Variants in WIPI1 observed in about 807,000 individuals in gnomAD.
WIPI1 encodes the protein WD repeat domain phosphoinositide-interacting protein 1.
In WIPI1, 45 loss-of-function variants were observed where a neutral mutation model predicts 55.3. The ratio of observed to expected loss-of-function variants is 0.81; its 90% confidence interval spans 0.64 to 1.04. WIPI1 has a LOEUF of 1.04. Ranked by LOEUF, WIPI1 falls within the 50% of genes least tolerant of loss-of-function variation. The probability of loss-of-function intolerance (pLI) is 0.00; values close to 1 mark genes in which losing one functional copy is unlikely to be tolerated. For missense variants in WIPI1, 445 were observed against 559.0 expected, an observed-to-expected ratio of 0.80 and a Z score of 2.06; for synonymous variants, 195 against 217.6, an observed-to-expected ratio of 0.90 and a Z score of 0.92.
intron 7 of WIPI1, among the ~76,000 whole-genome samples, chr17:68,434,345 C>A (rs570529715): frequency 6.6e-6 from 1 of 152,194 alleles, no homozygotes; most frequent in Non-Finnish European, 1.5e-5. Flanking sequence ...GGGACTCTCA[C>A]GGCTGAACTG....
At chr17:68,453,840 C>T (rs1374674668) in intron 1 of WIPI1, among the ~76,000 whole-genome samples, 1 of 152,164 alleles carries the variant, frequency 6.6e-6, no homozygotes, top group Non-Finnish European at 1.5e-5. Flanking sequence ...TGCTTCCTTT[C>T]ATCAGTTTCC....
At position 68,429,975 on chromosome 17, in the gene WIPI1, AG is replaced by A; in HGVS notation, c.965+20del. 1 of 1,613,814 alleles carries A rather than the reference AG, an allele frequency of 6.2e-7. No homozygotes were observed. The highest frequency in any genetic ancestry group is 8.5e-7 in the Non-Finnish European group (1 of 1,179,888). ...TTGACGAAAGTGTGGTCTTGTTCAG[AG>A]TGGGTGTCATTGTACGTACGTTGAG... is the stretch of plus-strand genomic sequence containing the variant. On this transcript the variant is annotated intron_variant, in intron 9 of 12. Coordinates refer to ENST00000262139, the MANE Select transcript of WIPI1 (RefSeq NM_017983.7).
chr17:68,426,325 T>C, intron 11 of WIPI1, 150 bp from the exon 12 acceptor site: 1 of 654,892 alleles, frequency 1.5e-6, no homozygotes. Flanking sequence ...CTAGGACAAG[T>C]CATAATCCTC....
chr17:68,428,927 C>T lies in WIPI1; in HGVS notation c.975G>A (p.Lys325=). 6.2e-7 allele frequency: 1 copy of T among 1,613,676 alleles called. No homozygotes were observed. The highest frequency in any genetic ancestry group is 8.5e-7 in the Non-Finnish European group (1 of 1,179,762). Residue 325 remains lysine (K), a synonymous_variant, in exon 10 of 13, where the codon AAG becomes AAA. Transcript: ENST00000262139. Reference sequence around the variant, plus strand: ...ATGACGCAACTAGCAGCCGTGGCAACTTCTGGATCCTAAGGGCCAAGGAAA... The same window carrying T: ...ATGACGCAACTAGCAGCCGTGGCAATTTCTGGATCCTAAGGGCCAAGGAAA... The part of the protein sequence containing the change: ...RNICTLSTIQ[K]LPRLLVASSS...
chr17:68,445,210 G>A (rs990171340), intron 3 of WIPI1, among the ~76,000 whole-genome samples: 4 of 152,156 alleles, frequency 2.6e-5, no homozygotes, highest in South Asian at 2.1e-4. Flanking sequence ...CTGAGCCACC[G>A]CGTTCAACAG....
chr17:68,433,277 G>A (rs1316625133), intron 8 of WIPI1, among the ~76,000 whole-genome samples, 191 bp downstream of exon 8: 2 of 152,220 alleles, frequency 1.3e-5, no homozygotes, highest in African/African-American at 4.8e-5. Context: ...CACGTGGGTG[G>A]CTCCCAGTTT....
chr17:68,457,315 C>CCTGG, intron 1 of WIPI1, 27 bp downstream of exon 1: 1 of 1,540,202 alleles, frequency 6.5e-7, no homozygotes, highest in South Asian at 1.2e-5. Flanking sequence ...CCCCCACCTC[C>CCTGG]CTGGCAGGGG....
chr17:68,449,735 T>C (rs549045759), intron 3 of WIPI1, among the ~76,000 whole-genome samples: 1 of 152,314 alleles, frequency 6.6e-6, no homozygotes, highest in African/African-American at 2.4e-5. Flanking sequence ...GTGCTTCCTG[T>C]ACAGCCTGCA....
Position 68,457,448 on chromosome 17 carries a change from C to A in WIPI1, c.-27G>T. On this transcript the variant is annotated 5_prime_UTR_variant, in exon 1 of 13. Coordinates refer to ENST00000262139, the MANE Select transcript of WIPI1 (RefSeq NM_017983.7). ...GGGGGCTCGGCCCGGGAAGCCGCAG[C>A]TCGGAGCCGGCGACAGCCACCTCAG... 1 of 1,475,954 alleles carries A rather than the reference C, an allele frequency of 6.8e-7. No homozygotes were observed. The highest frequency in any genetic ancestry group is 2.5e-5 in the Admixed American group (1 of 40,334). The allele number at this position is 1,475,954 out of a possible 1,614,324, so 91.4% of individuals were successfully genotyped here. A position where few individuals can be genotyped will look rare whatever the true frequency, so the allele number is the denominator to read the frequency against.
chr17:68,426,247 A>AGGGGGGGGG, intron 11 of WIPI1, 72 bp from the exon 12 acceptor site: 4 of 655,812 alleles, frequency 6.1e-6, no homozygotes, highest in Admixed American at 7.8e-5. Flanking sequence ...GCGGGTGGGG[A>AGGGGGGGGG]GCGGGGGCTC....
At chr17:68,434,705 T>C (rs1392114546) in intron 6 of WIPI1, 79 bp from the exon 7 acceptor site, 2 of 1,476,908 alleles carry the variant, frequency 1.4e-6, no homozygotes, top group African/African-American at 1.4e-5. Context: ...GGAGTTTGTT[T>C]TATTGGTTTT....
At chr17:68,432,222 G>C (rs1389545930) in intron 8 of WIPI1, among the ~76,000 whole-genome samples, 1 of 152,132 alleles carries the variant, frequency 6.6e-6, no homozygotes, top group African/African-American at 2.4e-5. Context: ...GGGGTGGGGG[G>C]AGACAAGGAT....
chr17:68,428,811 G>A lies in WIPI1; in HGVS notation c.1073+18C>T, dbSNP rs115314737. On this transcript the variant is annotated intron_variant, in intron 10 of 12. Coordinates refer to ENST00000262139, the MANE Select transcript of WIPI1 (RefSeq NM_017983.7). The stretch of plus-strand genomic sequence containing the variant: ...ACCAGCTCTCGAAAGGCTGTCTTTT[G>A]AAAAGCAGTCTCTTCACCTGTGGGT... 6,357 of 1,595,306 alleles carry A rather than the reference G, an allele frequency of 4.0e-3. 218 individuals are homozygous for A. In the African/African-American group the frequency reaches 0.074, roughly 19 times the overall value.
At chr17:68,449,368 G>T (rs2084408123) in intron 3 of WIPI1, among the ~76,000 whole-genome samples, 1 of 152,186 alleles carries the variant, frequency 6.6e-6, no homozygotes, top group Non-Finnish European at 1.5e-5. Flanking sequence ...GGTGGCTCAT[G>T]CCTGTAATTC....
chr17:68,457,353 G>A lies in WIPI1; in HGVS notation c.69C>T (p.Asn23=). 6.5e-7 allele frequency: 1 copy of A among 1,544,376 alleles called. No homozygotes were observed. The highest frequency in any genetic ancestry group is 8.7e-7 in the Non-Finnish European group (1 of 1,145,290). The change falls in exon 1 of 13, where the codon AAC becomes AAT. Residue 23 remains asparagine (N), a synonymous_variant. Transcript: ENST00000262139. ...VESALSCFSF[N]QDCTSLATGT... is the part of the protein sequence containing the mutation. Reference sequence around the variant, plus strand: ...GAGTCGCAGCTTACGTGCAGTCCTGGTTGAAAGAGAAGCAGCTGAGCGCCG... The same window carrying A: ...GAGTCGCAGCTTACGTGCAGTCCTGATTGAAAGAGAAGCAGCTGAGCGCCG...
intron 12 of WIPI1, among the ~76,000 whole-genome samples, chr17:68,424,738 A>C (rs886318134): frequency 6.6e-6 from 1 of 152,168 alleles, no homozygotes; most frequent in African/African-American, 2.4e-5. Context: ...TTAGTTGGGC[A>C]TGGTGGCGCA....
chr17:68,432,798 A>C (rs1299859719), intron 8 of WIPI1, among the ~76,000 whole-genome samples: 2 of 151,932 alleles, frequency 1.3e-5, no homozygotes, highest in Non-Finnish European at 2.9e-5. Context: ...TTTCTCTAGA[A>C]TCCTTGCCCC....
chr17:68,452,791 C>T (rs1302110113), intron 2 of WIPI1, 119 bp downstream of exon 2: 3 of 814,876 alleles, frequency 3.7e-6, no homozygotes, highest in East Asian at 5.2e-5. Context: ...ATCTTGACTC[C>T]CTAAGTTTGA....
chr17:68,428,063 T>C (rs975114564), intron 10 of WIPI1, among the ~76,000 whole-genome samples: 2 of 151,494 alleles, frequency 1.3e-5, no homozygotes, highest in Non-Finnish European at 2.9e-5. Context: ...GGCTAATTTT[T>C]ATATTTTTTC....
Sources: gnomAD v4.1 joint callset for allele counts (sites outside exome capture counted in the v4.1 genomes callset) on GRCh38, gnomAD v4.1.1 for gene constraint, MANE v1.5 for transcripts, NCBI Gene and HGNC (gene_info 2026-07-23, HGNC 2026-07-21) for gene names.